DDAH1: variants seen among roughly 807,000 people sequenced by gnomAD.
The protein encoded by DDAH1 is N(G),N(G)-dimethylarginine dimethylaminohydrolase 1.
In DDAH1, 19 loss-of-function variants were observed where a neutral mutation model predicts 28.8. The ratio of observed to expected loss-of-function variants is 0.66; its 90% CI spans 0.46 to 0.97. The LOEUF (loss-of-function observed/expected upper bound fraction) is 0.97, where lower values mean the gene tolerates loss of function less well. Among genes scored for constraint, DDAH1 ranks in the 50% least tolerant of loss-of-function variants. The pLI, the probability that DDAH1 is intolerant of heterozygous loss-of-function variation, is 0.00. For missense variants in DDAH1, 326 were observed against 375.9 expected, an observed-to-expected ratio of 0.87 and a Z score of 1.10; for synonymous variants, 153 against 154.4, an observed-to-expected ratio of 0.99 and a Z score of 0.07.
chr1:85,521,236 T>A (rs1440893039), intron 1 of DDAH1, among the ~76,000 whole-genome samples: 1 of 151,664 alleles, frequency 6.6e-6, no homozygotes, highest in African/African-American at 2.4e-5. Flanking sequence ...CCACAACCAC[T>A]GATTGGAAAC....
At chr1:85,433,664 C>A (rs1653807588) in intron 1 of DDAH1, among the ~76,000 whole-genome samples, 2 of 152,098 alleles carry the variant, frequency 1.3e-5, no homozygotes, top group South Asian at 4.2e-4. Flanking sequence ...TTTTTCTATT[C>A]CTTCATAAGG....
intron 1 of DDAH1, among the ~76,000 whole-genome samples, chr1:85,363,390 T>C (rs910844736): frequency 1.3e-5 from 2 of 152,176 alleles, no homozygotes; most frequent in African/African-American, 4.8e-5. Context: ...CTATCACCAA[T>C]GTCACCACTA....
chr1:85,432,708 TCA>T lies in DDAH1; in HGVS notation c.303+32033_303+32034del, dbSNP rs148474839. Among the ~76,000 whole-genome samples the T allele has an allele frequency of 2.2e-3, 335 of 152,340 alleles. 1 individual carries two copies. The highest frequency in any genetic ancestry group is 3.9e-3 in the Non-Finnish European group (263 of 68,026). On this transcript the variant is annotated intron_variant, in intron 1 of 5. Coordinates refer to ENST00000284031, the MANE Select transcript of DDAH1 (RefSeq NM_012137.4). ...CTGCAGAACGAAACAGAAATGAATC[TCA>T]GTTTACTTGATGATTTGGTTTATCT... is the stretch of plus-strand genomic sequence containing the variant.
At position 85,321,539 on chromosome 1, in the gene DDAH1, C is replaced by T. The variant is rs759365734; in HGVS notation, c.771G>A (p.Leu257=). 5.6e-6 allele frequency: 9 copies of T among 1,613,912 alleles called. No individual in the cohort carries two copies. The highest frequency in any genetic ancestry group is 1.1e-5 in the South Asian group (1 of 91,076). The change falls in exon 6 of 6, where the codon CTG becomes CTA. Residue 257 remains leucine (L), a synonymous_variant. Coordinates refer to ENST00000284031, the MANE Select transcript of DDAH1 (RefSeq NM_012137.4). ...KVYEKLKDHM[L]IPVSMSELEK... ...CCAGTTCAGACATGCTCACGGGGATCAGCATATGGTCCTTCAGTTTCTCAT... is the reference window on the plus strand; with the variant it reads ...CCAGTTCAGACATGCTCACGGGGATTAGCATATGGTCCTTCAGTTTCTCAT...
chr1:85,488,568 G>A (rs1557684481), intron 2 of DDAH1, among the ~76,000 whole-genome samples: 1 of 152,100 alleles, frequency 6.6e-6, no homozygotes, highest in Non-Finnish European at 1.5e-5. Context: ...GAGTTTTGAG[G>A]GAGACATGAA....
At chr1:85,499,407 G>C (rs1442289952) in intron 1 of DDAH1, among the ~76,000 whole-genome samples, 1 of 152,202 alleles carries the variant, frequency 6.6e-6, no homozygotes, top group Non-Finnish European at 1.5e-5. Flanking sequence ...GGGTGCGGTG[G>C]CTGACGCCTG....
At chr1:85,425,566 A>G (rs1054603831) in intron 1 of DDAH1, among the ~76,000 whole-genome samples, 1 of 152,208 alleles carries the variant, frequency 6.6e-6, no homozygotes, top group Non-Finnish European at 1.5e-5. Context: ...TCTGATCACC[A>G]TCAATACGTA....
intron 2 of DDAH1, among the ~76,000 whole-genome samples, chr1:85,356,815 G>A (rs1175833697): frequency 6.6e-6 from 1 of 152,154 alleles, no homozygotes; most frequent in East Asian, 1.9e-4. Flanking sequence ...TGAGATGCTA[G>A]GGAAAGACCT....
At chr1:85,408,837 G>C (rs888281331) in intron 1 of DDAH1, among the ~76,000 whole-genome samples, 1 of 152,192 alleles carries the variant, frequency 6.6e-6, no homozygotes, top group Non-Finnish European at 1.5e-5. Flanking sequence ...CAAGTAGTAA[G>C]ACGAATATGA....
chr1:85,505,830 T>C (rs1235194468), intron 1 of DDAH1, among the ~76,000 whole-genome samples: 1 of 152,206 alleles, frequency 6.6e-6, no homozygotes, highest in Non-Finnish European at 1.5e-5. Context: ...ACTTGGAATA[T>C]TATAATCATA....
chr1:85,339,195 A>C (rs1648319686), intron 4 of DDAH1, among the ~76,000 whole-genome samples: 1 of 152,182 alleles, frequency 6.6e-6, no homozygotes, highest in African/African-American at 2.4e-5. Flanking sequence ...AGTGATTAGA[A>C]AACATACAAA....
intron 1 of DDAH1, among the ~76,000 whole-genome samples, chr1:85,518,833 T>C (rs1657565876): frequency 6.6e-6 from 1 of 152,178 alleles, no homozygotes; most frequent in Non-Finnish European, 1.5e-5. Flanking sequence ...AGGCTCCTCA[T>C]CTCTAAAATG....
chr1:85,568,640 T>C (rs1659373198), intron 1 of DDAH1, among the ~76,000 whole-genome samples: 1 of 152,170 alleles, frequency 6.6e-6, no homozygotes, highest in South Asian at 2.1e-4. Flanking sequence ...CAAAGACATT[T>C]AAAATAAAAA....
chr1:85,457,139 T>C (rs1044902067), intron 1 of DDAH1, among the ~76,000 whole-genome samples: 3 of 152,194 alleles, frequency 2.0e-5, no homozygotes, highest in African/African-American at 7.2e-5. Flanking sequence ...GAACTTGGAA[T>C]TGGATCTGAA....
Position 85,321,560 on chromosome 1 carries a change from C to T in DDAH1, c.750G>A (p.Glu250=), listed in dbSNP as rs1252186977. The change falls in exon 6 of 6, where the codon GAG becomes GAA. Residue 250 remains glutamate (E), a synonymous_variant. Transcript: ENST00000284031. ...GGATCAGCATATGGTCCTTCAGTTT[C>T]TCATAAACCTACAGTGGGAATCAAG... ...EEYPESAKVY[E]KLKDHMLIPV... 1 of 1,611,286 alleles carries T rather than the reference C, an allele frequency of 6.2e-7. No individual in the cohort carries two copies. Among genetic ancestry groups the T allele is most frequent in the Admixed American group, 1.7e-5 (1 of 59,990 alleles).
At chr1:85,380,403 AT>A (rs1167131057) in intron 1 of DDAH1, 1 of 152,148 alleles carries the variant, frequency 6.6e-6, no homozygotes, top group African/African-American at 2.4e-5. Context: ...TTTACCCAGC[AT>A]TTTGTGCTGG....
chr1:85,551,933 C>G (rs893899628), intron 1 of DDAH1, among the ~76,000 whole-genome samples: 3 of 152,148 alleles, frequency 2.0e-5, no homozygotes, highest in African/African-American at 7.2e-5. Context: ...GGTCTGGGCC[C>G]TCTTAGCTAG....
intron 4 of DDAH1, among the ~76,000 whole-genome samples, chr1:85,341,201 C>T (rs771719976): frequency 1.4e-4 from 21 of 152,166 alleles, no homozygotes; most frequent in Non-Finnish European, 2.9e-4. Context: ...ATTTCTCATC[C>T]GACTCAGTAT....
chr1:85,485,801 C>T (rs1324330465), intron 2 of DDAH1, among the ~76,000 whole-genome samples: 2 of 152,098 alleles, frequency 1.3e-5, no homozygotes, highest in South Asian at 2.1e-4. Flanking sequence ...TTTATGCAAG[C>T]ATGTCTAAAT....
Sources: gnomAD v4.1 joint callset for allele counts (sites outside exome capture counted in the v4.1 genomes callset) on GRCh38, gnomAD v4.1.1 for gene constraint, MANE v1.5 for transcripts, NCBI Gene and HGNC (gene_info 2026-07-23, HGNC 2026-07-21) for gene names.